The following ARPC1A variants were observed in gnomAD, a reference collection of about 807,000 sequenced individuals.
The protein encoded by ARPC1A is actin-related protein 2/3 complex subunit 1A.
ARPC1A carries 8 observed loss-of-function variants against 46.9 expected under a neutral mutation model. That is an observed-to-expected ratio of 0.17 (90% CI 0.10 to 0.31). ARPC1A has a LOEUF of 0.31. ARPC1A is among the 10% of genes least tolerant of loss of function. The probability of loss-of-function intolerance (pLI) is 1.00; values close to 1 mark genes in which losing one functional copy is unlikely to be tolerated. For missense variants in ARPC1A, 286 were observed against 483.6 expected (o/e 0.59, Z 3.83); for synonymous variants, 152 against 169.0 (o/e 0.90, Z 0.78).
chr7:99,330,567 G>A (rs370745012), intron 1 of ARPC1A, among the ~76,000 whole-genome samples: 1 of 152,224 alleles, frequency 6.6e-6, no homozygotes, highest in Non-Finnish European at 1.5e-5. Context: ...CGCCCACCTC[G>A]GCCTCCCAAA....
At chr7:99,337,095 T>C (rs1286955397) in intron 2 of ARPC1A, among the ~76,000 whole-genome samples, 1 of 152,156 alleles carries the variant, frequency 6.6e-6, no homozygotes. Context: ...GATTTGGGGA[T>C]ATTTGCATAA....
At chr7:99,354,519 T>C (rs1793599292) in intron 6 of ARPC1A, among the ~76,000 whole-genome samples, 1 of 75,076 alleles carries the variant, frequency 1.3e-5, no homozygotes, top group African/African-American at 6.7e-5. Flanking sequence ...AGACTCCGTC[T>C]CAAAAAAAAA....
At chr7:99,360,930 G>A (rs1482740564) in intron 8 of ARPC1A, among the ~76,000 whole-genome samples, 2 of 122,120 alleles carry the variant, frequency 1.6e-5, no homozygotes, top group African/African-American at 3.8e-5. Context: ...GACAGAGTGA[G>A]ACTCCGTCTC....
intron 2 of ARPC1A, among the ~76,000 whole-genome samples, chr7:99,335,886 G>A (rs28754375): frequency 0.098 from 14,931 of 151,982 alleles, 1,911 homozygotes; most frequent in African/African-American, 0.29. Context: ...CCTGGGAGGC[G>A]GAGCTTGCAG....
Position 99,365,741 on chromosome 7 carries a change from G to C in ARPC1A, c.1075-150G>C. On this transcript the variant is annotated intron_variant, in intron 9 of 9. Coordinates refer to ENST00000262942, the MANE Select transcript of ARPC1A (RefSeq NM_006409.4). Reference sequence around the variant, plus strand: ...CCGGCCTGGAGTGTCTCTGCGGGGTGAGTCCTGGGAGATCCTGTTTCAGGT... The same window carrying C: ...CCGGCCTGGAGTGTCTCTGCGGGGTCAGTCCTGGGAGATCCTGTTTCAGGT... The C allele has an allele frequency of 3.9e-6, 3 of 777,808 alleles. No homozygotes were observed. In the South Asian group the frequency reaches 5.4e-5, roughly 14 times the overall value. The allele number at this position is 777,808 out of a possible 1,614,324, so 48.2% of individuals were successfully genotyped here.
At chr7:99,362,477 G>A (rs968227113) in intron 8 of ARPC1A, among the ~76,000 whole-genome samples, 1 of 146,734 alleles carries the variant, frequency 6.8e-6, no homozygotes, top group Admixed American at 6.8e-5. Flanking sequence ...GACTACAGGC[G>A]CCCGCCACCA....
intron 9 of ARPC1A, among the ~76,000 whole-genome samples, chr7:99,364,611 C>T (rs891541626): frequency 2.0e-5 from 3 of 152,030 alleles, no homozygotes; most frequent in Non-Finnish European, 2.9e-5. Context: ...CGCAGAAGAA[C>T]GGCACATTCT....
chr7:99,345,899 G>A (rs1177908368), intron 4 of ARPC1A, among the ~76,000 whole-genome samples: 1 of 152,080 alleles, frequency 6.6e-6, no homozygotes, highest in Non-Finnish European at 1.5e-5. Flanking sequence ...TCTTCAAAAA[G>A]AGATTGGGAA....
chr7:99,345,583 G>T (rs375112703), intron 4 of ARPC1A, among the ~76,000 whole-genome samples: 1 of 151,980 alleles, frequency 6.6e-6, no homozygotes, highest in Non-Finnish European at 1.5e-5. Flanking sequence ...ACTTGAACTC[G>T]GAGGGCAGAG....
At chr7:99,365,091 C>T (rs1793811385) in intron 9 of ARPC1A, among the ~76,000 whole-genome samples, 1 of 152,152 alleles carries the variant, frequency 6.6e-6, no homozygotes, top group Non-Finnish European at 1.5e-5. Context: ...CTTCAGAGAG[C>T]GCACACTGCC....
At chr7:99,359,840 C>T in intron 8 of ARPC1A, 102 bp downstream of exon 8, 32 of 1,319,748 alleles carry the variant, frequency 2.4e-5, no homozygotes, top group Non-Finnish European at 3.3e-5. Flanking sequence ...CCCTCAGGCC[C>T]AGACATTCTT....
chr7:99,344,715 T>G (rs1195199601), intron 4 of ARPC1A, among the ~76,000 whole-genome samples, 200 bp downstream of exon 4: 1 of 152,092 alleles, frequency 6.6e-6, no homozygotes, highest in African/African-American at 2.4e-5. Flanking sequence ...AACATAGAGC[T>G]ATTGTGTCCA....
chr7:99,353,126 AT>A (rs1793573745), intron 5 of ARPC1A, among the ~76,000 whole-genome samples: 1 of 124,320 alleles, frequency 8.0e-6, no homozygotes, highest in African/African-American at 3.9e-5. Context: ...ATGTTATGTT[AT>A]GTTATGTTAT....
chr7:99,352,548 C>G (rs778285356), intron 5 of ARPC1A, among the ~76,000 whole-genome samples: 1 of 151,272 alleles, frequency 6.6e-6, no homozygotes, highest in Non-Finnish European at 1.5e-5. Context: ...CCCAGCTACT[C>G]GAGAGGCTGA....
At chr7:99,360,940 CAA>C (rs34464636) in intron 8 of ARPC1A, among the ~76,000 whole-genome samples, 24 of 80,206 alleles carry the variant, frequency 3.0e-4, no homozygotes, top group Middle Eastern at 8.1e-3. Flanking sequence ...GACTCCGTCT[CAA>C]AAAAAAAAAA....
intron 3 of ARPC1A, chr7:99,339,951 C>T: frequency 2.2e-6 from 1 of 455,706 alleles, no homozygotes; most frequent in Non-Finnish European, 4.4e-6. Context: ...TCCCACACCC[C>T]GCCACATACT....
At position 99,354,116 on chromosome 7, in the gene ARPC1A, T is replaced by C; in HGVS notation, c.708T>C (p.Ser236=). 2 of 1,613,376 alleles carry C rather than the reference T, an allele frequency of 1.2e-6. 1 individual carries two copies. Among genetic ancestry groups the C allele is most frequent in the Non-Finnish European group, 1.7e-6 (2 of 1,179,452 alleles). The change falls in exon 6 of 10, where the codon AGT becomes AGC. Residue 236 remains serine (S), a synonymous_variant. Transcript: ENST00000262942. ...STVSVADASK[S]VQVSTLKTEF... ...TGTCTGTTGCTGATGCCTCAAAAAG[T>C]GTGCAGTGAGTATTTGCCTTTCATT...
chr7:99,359,452 AAG>A, intron 7 of ARPC1A, 91 bp from the exon 8 acceptor site: 3 of 1,215,096 alleles, frequency 2.5e-6, no homozygotes, highest in Non-Finnish European at 3.4e-6. Context: ...AAAAAAAAAA[AAG>A]AGTAAGAGAG....
At chr7:99,358,158 G>A (rs554990906) in intron 6 of ARPC1A, among the ~76,000 whole-genome samples, 182 bp from the exon 7 acceptor site, 4 of 152,282 alleles carry the variant, frequency 2.6e-5, no homozygotes, top group South Asian at 2.1e-4. Context: ...AGGCAGAGCC[G>A]GAACCCAGGG....
Sources: gnomAD v4.1 joint callset for allele counts (sites outside exome capture counted in the v4.1 genomes callset) on GRCh38, gnomAD v4.1.1 for gene constraint, MANE v1.5 for transcripts, NCBI Gene and HGNC (gene_info 2026-07-23, HGNC 2026-07-21) for gene names.